Variants in PTPRD observed in about 807,000 individuals in gnomAD.
PTPRD encodes the protein receptor-type tyrosine-protein phosphatase delta.
A neutral mutation model predicts 214.5 loss-of-function variants in PTPRD; 34 were observed. The observed-to-expected ratio is 0.16, with a 90% CI of 0.12 to 0.21. The LOEUF is 0.21. PTPRD is among the 10% of genes least tolerant of loss of function. The probability of loss-of-function intolerance (pLI) is 1.00; values close to 1 mark genes in which losing one functional copy is unlikely to be tolerated. For missense variants in PTPRD, 2,545 were observed against 2,398.7 expected (o/e 1.06, Z -1.27); for synonymous variants, 1,128 against 845.7 (o/e 1.33, Z -5.79).
Position 8,521,151 on chromosome 9 carries a change from G to A in PTPRD, c.961+126C>T. ...TATATAATACCACAGATATGATTAG[G>A]TTATACACACATTTAAAATGCTGAA... On this transcript the variant is annotated intron_variant, in intron 20 of 45. Transcript: ENST00000381196. 7.0e-6 allele frequency: 8 copies of A among 1,140,446 alleles called. No homozygotes were observed. In the South Asian group the frequency reaches 1.1e-4, roughly 16 times the overall value. The allele number at this position is 1,140,446 out of a possible 1,614,324, so 70.6% of individuals were successfully genotyped here. A position where few individuals can be genotyped will look rare whatever the true frequency, so the allele number is the denominator to read the frequency against.
intron 2 of PTPRD, among the ~76,000 whole-genome samples, chr9:10,552,380 A>G (rs541340161): frequency 2.8e-4 from 42 of 152,140 alleles, no homozygotes; most frequent in Non-Finnish European, 2.8e-4. Flanking sequence ...TTAATTTTGC[A>G]ATCACAGAGA....
intron 11 of PTPRD, among the ~76,000 whole-genome samples, chr9:8,916,331 G>C (rs577115187): frequency 9.1e-4 from 138 of 152,264 alleles, no homozygotes; most frequent in African/African-American, 3.2e-3. Context: ...CATTTATTAT[G>C]ACAATTATGA....
At chr9:10,231,589 T>C (rs1057259680) in intron 3 of PTPRD, among the ~76,000 whole-genome samples, 1 of 151,894 alleles carries the variant, frequency 6.6e-6, no homozygotes, top group African/African-American at 2.4e-5. Flanking sequence ...CATGCATGCG[T>C]GAACCTGTGT....
At chr9:8,432,146 A>G (rs2095099414) in intron 35 of PTPRD, among the ~76,000 whole-genome samples, 1 of 152,246 alleles carries the variant, frequency 6.6e-6, no homozygotes, top group African/African-American at 2.4e-5. Flanking sequence ...AAGATTCACC[A>G]GCCTAATATA....
rs376941220 is a variant in PTPRD at position 9,839,527 on chromosome 9, A to G, written c.-367-72676T>C. On this transcript the variant is annotated intron_variant, in intron 5 of 45. Transcript: ENST00000381196. ...GAAGGACCTCTTCAAGGAGAACTACAAACCACTGCTCAATGAAATAAAAGA... is the reference window on the plus strand; with the variant it reads ...GAAGGACCTCTTCAAGGAGAACTACGAACCACTGCTCAATGAAATAAAAGA... Among the ~76,000 whole-genome samples the G allele has an allele frequency of 7.2e-5, 11 of 152,242 alleles. No individual in the cohort carries two copies. The South Asian group carries it at 2.3e-3, about 32-fold the overall frequency.
chr9:9,700,865 T>C (rs948510387), intron 7 of PTPRD, among the ~76,000 whole-genome samples: 2 of 152,116 alleles, frequency 1.3e-5, no homozygotes, highest in Non-Finnish European at 2.9e-5. Flanking sequence ...ATGTGGCTTC[T>C]GCCATCAAAT....
chr9:10,375,673 A>G lies in PTPRD; in HGVS notation c.-599-34656T>C, dbSNP rs115619178. 3.8e-3 allele frequency among the ~76,000 whole-genome samples: 577 copies of G among 152,120 alleles called. 4 individuals carry two copies. Among genetic ancestry groups the G allele is most frequent in the African/African-American group, 0.013 (545 of 41,558 alleles). ...GAATATTTTATCACCATAATCCCCA[A>G]TGAATAATTCTGCTTTGTTACTTTC... is the stretch of plus-strand genomic sequence containing the variant. On this transcript the variant is annotated intron_variant, in intron 2 of 45. Transcript: ENST00000381196.
chr9:9,754,482 G>A (rs2098550292), intron 6 of PTPRD, among the ~76,000 whole-genome samples: 1 of 152,002 alleles, frequency 6.6e-6, no homozygotes, highest in Non-Finnish European at 1.5e-5. Flanking sequence ...TCTGCAAATG[G>A]TGATAAATAA....
chr9:9,793,706 GA>G (rs555780053), intron 5 of PTPRD, among the ~76,000 whole-genome samples: 7 of 150,132 alleles, frequency 4.7e-5, no homozygotes, highest in South Asian at 2.1e-4. Context: ...TATTATTTTA[GA>G]AAAAAAAATG....
chr9:8,743,098 C>T (rs918030060), intron 11 of PTPRD, among the ~76,000 whole-genome samples: 1 of 124,626 alleles, frequency 8.0e-6, no homozygotes, highest in African/African-American at 2.8e-5. Flanking sequence ...AGGAAAAATT[C>T]CAAATTAAAA....
At chr9:9,899,499 A>G (rs746365820) in intron 5 of PTPRD, among the ~76,000 whole-genome samples, 2 of 152,158 alleles carry the variant, frequency 1.3e-5, no homozygotes, top group Non-Finnish European at 2.9e-5. Context: ...CCACTGTGAG[A>G]TATCACCTCA....
At chr9:10,284,607 A>G (rs1251622183) in intron 3 of PTPRD, among the ~76,000 whole-genome samples, 2 of 152,222 alleles carry the variant, frequency 1.3e-5, no homozygotes, top group Non-Finnish European at 2.9e-5. Context: ...TCAGAAATAT[A>G]GGCATGGCTT....
At chr9:9,586,449 A>G (rs2091976323) in intron 7 of PTPRD, among the ~76,000 whole-genome samples, 2 of 151,962 alleles carry the variant, frequency 1.3e-5, no homozygotes, top group African/African-American at 4.8e-5. Context: ...TGTACCAGGC[A>G]TTTTTTAGTA....
chr9:8,747,065 T>C (rs993565899), intron 11 of PTPRD, among the ~76,000 whole-genome samples: 1 of 152,188 alleles, frequency 6.6e-6, no homozygotes, highest in Non-Finnish European at 1.5e-5. Context: ...AATGCCATCT[T>C]TTTAAGAATT....
chr9:8,359,118 AAAAACAAAAAAAAAAAAAAAC>A (rs1408361627), intron 39 of PTPRD, among the ~76,000 whole-genome samples: 349 of 22,558 alleles, frequency 0.015, 56 homozygotes, highest in African/African-American at 0.03. Context: ...AAAAAAAAAA[AAAAACAAAAAAAAAAAAAAAC>A]AAAAAAAAAT....
intron 10 of PTPRD, among the ~76,000 whole-genome samples, chr9:9,020,887 C>G (rs1000327275): frequency 3.9e-5 from 6 of 152,060 alleles, no homozygotes; most frequent in Non-Finnish European, 7.4e-5. Context: ...TATATATCCT[C>G]TAAATAACCA....
intron 39 of PTPRD, among the ~76,000 whole-genome samples, chr9:8,373,469 C>T (rs899139729): frequency 1.3e-5 from 2 of 151,944 alleles, no homozygotes; most frequent in Non-Finnish European, 2.9e-5. Flanking sequence ...TTTCAATAAG[C>T]AGCTTCTCCA....
intron 7 of PTPRD, among the ~76,000 whole-genome samples, chr9:9,666,408 T>C (rs1448533909): frequency 2.6e-5 from 4 of 151,974 alleles, no homozygotes; most frequent in Non-Finnish European, 5.9e-5. Context: ...AATTTGTCTA[T>C]CTTTCGTAGA....
intron 3 of PTPRD, among the ~76,000 whole-genome samples, chr9:10,239,086 A>G (rs143105600): frequency 1.0e-3 from 156 of 152,100 alleles, no homozygotes; most frequent in African/African-American, 3.6e-3. Flanking sequence ...CCTGTTTTAC[A>G]TAAAACACAA....
Sources: gnomAD v4.1 joint callset for allele counts (sites outside exome capture counted in the v4.1 genomes callset) on GRCh38, gnomAD v4.1.1 for gene constraint, MANE v1.5 for transcripts, NCBI Gene and HGNC (gene_info 2026-07-23, HGNC 2026-07-21) for gene names.